The following KMT2C variants were observed in gnomAD, a reference collection of about 807,000 sequenced individuals.
KMT2C encodes the protein lysine methyltransferase 2C.
In KMT2C, 88 loss-of-function variants were observed where a neutral mutation model predicts 507.9. The ratio of observed to expected loss-of-function variants is 0.17; its 90% CI spans 0.15 to 0.21. The LOEUF is 0.21. KMT2C is among the 10% of genes least tolerant of loss of function. The pLI, the probability that KMT2C is intolerant of heterozygous loss-of-function variation, is 1.00. For missense variants in KMT2C, 4,954 were observed against 5,957.8 expected, an observed-to-expected ratio of 0.83 and a Z score of 5.55; for synonymous variants, 2,049 against 2,080.8, an observed-to-expected ratio of 0.98 and a Z score of 0.42.
intron 32 of KMT2C, 101 bp downstream of exon 32, chr7:152,187,614 A>T: frequency 6.9e-7 from 1 of 1,457,632 alleles, no homozygotes; most frequent in Non-Finnish European, 9.4e-7. Flanking sequence ...TAAACGCAAC[A>T]TACAATAATA....
At chr7:152,278,166 C>T (rs927343231) in intron 6 of KMT2C, among the ~76,000 whole-genome samples, 2 of 152,124 alleles carry the variant, frequency 1.3e-5, no homozygotes, top group African/African-American at 4.8e-5. Context: ...CTCACAAGAT[C>T]TGGCTGTTCA....
chr7:152,343,309 A>G (rs2097016754), intron 2 of KMT2C, among the ~76,000 whole-genome samples: 1 of 152,110 alleles, frequency 6.6e-6, no homozygotes. Context: ...AATGATAGAG[A>G]TTTTTTTAAA....
chr7:152,394,751 T>C (rs989667562), intron 1 of KMT2C, among the ~76,000 whole-genome samples: 1 of 152,232 alleles, frequency 6.6e-6, no homozygotes, highest in Non-Finnish European at 1.5e-5. Flanking sequence ...ACTGCTGTAT[T>C]TCCCGTGCTT....
chr7:152,267,348 CTTT>C (rs1198589408), intron 7 of KMT2C, among the ~76,000 whole-genome samples: 1 of 152,136 alleles, frequency 6.6e-6, no homozygotes, highest in Non-Finnish European at 1.5e-5. Flanking sequence ...TAAAGTGAAA[CTTT>C]TTTAAAAACC....
intron 52 of KMT2C, among the ~76,000 whole-genome samples, chr7:152,147,393 G>A (rs1306053989): frequency 6.6e-6 from 1 of 151,952 alleles, no homozygotes; most frequent in East Asian, 1.9e-4. Context: ...TTAAGAAAAA[G>A]GGGGTCCCTG....
intron 9 of KMT2C, among the ~76,000 whole-genome samples, chr7:152,256,894 A>T (rs1265577607): frequency 6.6e-6 from 1 of 152,174 alleles, no homozygotes; most frequent in African/African-American, 2.4e-5. Context: ...GTTCTCTCAC[A>T]CATCTCTGGT....
rs2129112867 is a variant in KMT2C, at chr7:152,176,339, T to C, written c.9114A>G (p.Ala3038=). Residue 3038 remains alanine (A), a synonymous_variant, in exon 38 of 59, where the codon GCA becomes GCG. Transcript: ENST00000262189. ...PQQLMIPQTL[A]QQNRERPLLL... ...GAAGGGGCCTCTCTCTATTCTGCTG[T>C]GCTAATGTTTGAGGAATCATTAGCT... The C allele has an allele frequency of 2.5e-6, 4 of 1,614,144 alleles. No individual in the cohort carries two copies. Among genetic ancestry groups the C allele is most frequent in the Non-Finnish European group, 3.4e-6 (4 of 1,180,022 alleles).
At chr7:152,229,372 A>G (rs1225157439) in intron 18 of KMT2C, among the ~76,000 whole-genome samples, 1 of 152,172 alleles carries the variant, frequency 6.6e-6, no homozygotes, top group Non-Finnish European at 1.5e-5. Context: ...CATATTTAAA[A>G]CCAAGCACAC....
intron 9 of KMT2C, among the ~76,000 whole-genome samples, chr7:152,256,529 G>A (rs1159290802): frequency 6.6e-6 from 1 of 152,002 alleles, no homozygotes; most frequent in African/African-American, 2.4e-5. Context: ...ACTGTACTAT[G>A]GCCGGGGTGA....
intron 31 of KMT2C, among the ~76,000 whole-genome samples, chr7:152,188,619 T>G (rs1038006031): frequency 3.0e-5 from 4 of 132,914 alleles, no homozygotes; most frequent in Admixed American, 7.1e-5. Flanking sequence ...TTTTTTTTTT[T>G]TTTTTGTTTT....
At chr7:152,164,855 C>T (rs947305766) in intron 42 of KMT2C, among the ~76,000 whole-genome samples, 13 of 152,126 alleles carry the variant, frequency 8.5e-5, no homozygotes, top group South Asian at 4.1e-4. Context: ...TCAATCAAGA[C>T]GCAAACTATG....
chr7:152,355,055 G>A (rs531472318), intron 2 of KMT2C, among the ~76,000 whole-genome samples: 53 of 152,326 alleles, frequency 3.5e-4, no homozygotes, highest in Middle Eastern at 6.8e-3. Flanking sequence ...AATAATAGCA[G>A]TGGAGGGGTC....
In KMT2C at chr7:152,136,883, G is replaced by A. The variant is rs755902690; in HGVS notation, c.14685C>T (p.His4895=). ...DYKFDFEDDQ[H]KIPCHCGAVN... ...CAGCTCCACAGTGACACGGAATCTTGTGCTGGTCATCTTCAAAGTCAAACT... is the reference window on the plus strand; with the variant it reads ...CAGCTCCACAGTGACACGGAATCTTATGCTGGTCATCTTCAAAGTCAAACT... Residue 4895 remains histidine (H), a synonymous_variant, in exon 59 of 59, where the codon CAC becomes CAT. Transcript: ENST00000262189. 6.2e-7 allele frequency: 1 copy of A among 1,613,390 alleles called. No homozygotes were observed. Among genetic ancestry groups the A allele is most frequent in the African/African-American group, 1.3e-5 (1 of 74,926 alleles).
chr7:152,357,925 C>A (rs1379866250), intron 2 of KMT2C, among the ~76,000 whole-genome samples: 2 of 152,128 alleles, frequency 1.3e-5, no homozygotes, highest in East Asian at 1.9e-4. Context: ...AGAGAAAAAG[C>A]CTATCACTGT....
At chr7:152,158,836 A>G (rs770987077) in intron 44 of KMT2C, 27 bp downstream of exon 44, 2 of 1,606,572 alleles carry the variant, frequency 1.2e-6, no homozygotes, top group East Asian at 2.2e-5. Context: ...CTTTTAAAAG[A>G]GGCTGCTCTA....
chr7:152,377,734 CAAAA>C (rs59181675), intron 1 of KMT2C, among the ~76,000 whole-genome samples: 4 of 62,626 alleles, frequency 6.4e-5, no homozygotes, highest in Non-Finnish European at 1.2e-4. Flanking sequence ...GACTCCGTCT[CAAAA>C]AAAAAAAAAA....
intron 25 of KMT2C, among the ~76,000 whole-genome samples, 173 bp downstream of exon 25, chr7:152,204,933 C>A (rs1401332142): frequency 6.6e-6 from 1 of 151,770 alleles, no homozygotes; most frequent in African/African-American, 2.4e-5. Context: ...GAACTCTATA[C>A]GCACTCAAAT....
intron 2 of KMT2C, among the ~76,000 whole-genome samples, chr7:152,335,785 C>T (rs1285490690): frequency 6.6e-6 from 1 of 152,048 alleles, no homozygotes; most frequent in Admixed American, 6.6e-5. Flanking sequence ...AAATAAGAGC[C>T]AGAAGGAAAT....
At chr7:152,186,659 G>C (rs1368404365) in intron 33 of KMT2C, among the ~76,000 whole-genome samples, 1 of 152,190 alleles carries the variant, frequency 6.6e-6, no homozygotes, top group African/African-American at 2.4e-5. Context: ...AACTGAGTTT[G>C]AATAACTTTT....
Sources: gnomAD v4.1 joint callset for allele counts (sites outside exome capture counted in the v4.1 genomes callset) on GRCh38, gnomAD v4.1.1 for gene constraint, MANE v1.5 for transcripts, NCBI Gene and HGNC (gene_info 2026-07-23, HGNC 2026-07-21) for gene names.